The following MYOF variants were observed in gnomAD, a reference collection of about 807,000 sequenced individuals.
MYOF encodes fer-1-like 3, myoferlin.
In MYOF, 244 loss-of-function variants were observed where a neutral mutation model predicts 284.2. The ratio of observed to expected loss-of-function variants is 0.86; its 90% confidence interval spans 0.77 to 0.95. The LOEUF is 0.95. Ranked by LOEUF, MYOF falls within the 40% of genes least tolerant of loss-of-function variation. The probability of loss-of-function intolerance (pLI) is 0.00; values close to 1 mark genes in which losing one functional copy is unlikely to be tolerated. For synonymous variants in MYOF, 904 were observed against 919.7 expected (o/e 0.98, Z 0.31); for missense variants, 2,496 against 2,560.6 (o/e 0.97, Z 0.54).
rs191669041 is a variant in MYOF at position 93,344,696 on chromosome 10, C to T, written c.4250-764G>A. ...TGTATACCTATGTAACAAACCTGCA[C>T]GTTCTGCACATGTATCCCAGAACTT... is the stretch of plus-strand genomic sequence containing the variant. On this transcript the variant is annotated intron_variant, in intron 37 of 53. Coordinates refer to ENST00000359263, the MANE Select transcript of MYOF (RefSeq NM_013451.4). Among the ~76,000 whole-genome samples the T allele has an allele frequency of 6.4e-3, 825 of 129,678 alleles. 4 individuals are homozygous for T. Among genetic ancestry groups the T allele is most frequent in the Non-Finnish European group, 9.1e-3 (584 of 64,306 alleles). 85.1% of individuals were successfully genotyped at this position (129,678 alleles called of 152,430 possible).
intron 3 of MYOF, among the ~76,000 whole-genome samples, chr10:93,432,440 C>G (rs1301283102): frequency 6.6e-6 from 1 of 151,846 alleles, no homozygotes; most frequent in Non-Finnish European, 1.5e-5. Context: ...CACTACCCCC[C>G]GCCAGAATCC....
intron 1 of MYOF, among the ~76,000 whole-genome samples, chr10:93,465,524 CTTTTTTTTCTTTTCTT>C (rs2056984165): frequency 1.0e-5 from 1 of 100,140 alleles, no homozygotes; most frequent in East Asian, 3.1e-4. Context: ...TTTTTTCTTT[CTTTTTTTTCTTTTCTT>C]TTTTTTTTTT....
intron 49 of MYOF, among the ~76,000 whole-genome samples, chr10:93,319,553 C>T (rs1314586402): frequency 6.6e-6 from 1 of 152,134 alleles, no homozygotes; most frequent in African/African-American, 2.4e-5. Context: ...ACATCAGTCT[C>T]CCCATCACAT....
chr10:93,479,535 A>G (rs936733738), intron 1 of MYOF, among the ~76,000 whole-genome samples: 1 of 152,138 alleles, frequency 6.6e-6, no homozygotes, highest in African/African-American at 2.4e-5. Flanking sequence ...GTTTGTTGCT[A>G]TATCCCCTCC....
intron 4 of MYOF, among the ~76,000 whole-genome samples, chr10:93,431,016 T>C (rs1418664419): frequency 1.5e-5 from 2 of 130,200 alleles, no homozygotes; most frequent in Admixed American, 8.4e-5. Flanking sequence ...TTTAGACATT[T>C]TTCTTTTCTT....
intron 37 of MYOF, among the ~76,000 whole-genome samples, chr10:93,344,880 T>C (rs1844111755): frequency 6.6e-6 from 1 of 152,138 alleles, no homozygotes; most frequent in South Asian, 2.1e-4. Context: ...GCCCTGACTT[T>C]ATGTACAATT....
intron 4 of MYOF, among the ~76,000 whole-genome samples, chr10:93,430,248 A>G (rs1848781297): frequency 6.7e-6 from 1 of 150,320 alleles, no homozygotes; most frequent in African/African-American, 2.4e-5. Flanking sequence ...GTACTTATTG[A>G]GAGAGGCTGT....
intron 2 of MYOF, among the ~76,000 whole-genome samples, chr10:93,456,633 G>C (rs527677837): frequency 6.6e-6 from 1 of 152,268 alleles, no homozygotes; most frequent in Admixed American, 6.5e-5. Context: ...GCGGTGCCTG[G>C]TAAGAACTCA....
At chr10:93,459,710 C>T (rs1342565333) in intron 1 of MYOF, among the ~76,000 whole-genome samples, 5 of 152,170 alleles carry the variant, frequency 3.3e-5, no homozygotes, top group African/African-American at 4.8e-5. Context: ...TGGTTGCGTT[C>T]CAGGGTATCC....
chr10:93,359,899 A>T lies in MYOF; in HGVS notation c.3054T>A (p.His1018Gln). ...WVAAEKMYHT[H>Q]RRRRLVRKRK... ...GTTTTCGGACCAGCCTTCGCCGTCT[A>T]TGAGTGTGGTACATTTTCTCTGCTG... Residue 1018 changes from histidine (H) to glutamine (Q), a missense_variant, in exon 29 of 54, where the codon CAT (histidine) becomes CAA (glutamine). Around this residue, in one of 3 missense-constraint regions of MYOF, gnomAD observed 2,436 missense variants for 2,480.7 expected, o/e 0.98. Transcript: ENST00000359263. 1 of 1,614,148 alleles carries T rather than the reference A, an allele frequency of 6.2e-7. No homozygotes were observed. The highest frequency in any genetic ancestry group is 1.1e-5 in the South Asian group (1 of 91,084).
At chr10:93,391,896 A>C (rs1846708030) in intron 17 of MYOF, among the ~76,000 whole-genome samples, 2 of 152,158 alleles carry the variant, frequency 1.3e-5, no homozygotes, top group South Asian at 4.1e-4. Context: ...AGTTTCTAGA[A>C]TCCTACATAG....
At position 93,397,275 on chromosome 10, in the gene MYOF, C is replaced by T; in HGVS notation, c.1306G>A (p.Glu436Lys). 1 of 1,598,522 alleles carries T rather than the reference C, an allele frequency of 6.3e-7. No individual in the cohort carries two copies. Among genetic ancestry groups the T allele is most frequent in the Non-Finnish European group, 8.5e-7 (1 of 1,169,736 alleles). ...NLQIKFPSVC[E>K]KIKLTIYDWD... The stretch of plus-strand genomic sequence containing the variant: ...TCATATATTGTTAGTTTTATTTTTT[C>T]ACACACTGAAGGAAACTAAAAAAAT... The change falls in exon 15 of 54, where the codon GAA (glutamate) becomes AAA (lysine). Residue 436 changes from glutamate (E) to lysine (K), a missense_variant. This residue lies in a region of MYOF where 2,436 missense variants were observed against 2,480.7 expected (regional missense o/e 0.98). Transcript: ENST00000359263.
At chr10:93,374,139 G>T (rs1340767287) in intron 23 of MYOF, among the ~76,000 whole-genome samples, 1 of 152,126 alleles carries the variant, frequency 6.6e-6, no homozygotes, top group African/African-American at 2.4e-5. Flanking sequence ...GTGATAGTTT[G>T]CTGAGAATGA....
At chr10:93,370,666 A>C (rs1292499379) in intron 24 of MYOF, among the ~76,000 whole-genome samples, 2 of 152,080 alleles carry the variant, frequency 1.3e-5, no homozygotes, top group Non-Finnish European at 2.9e-5. Flanking sequence ...TCTTGTTAAT[A>C]TTTTGTGTGA....
intron 3 of MYOF, among the ~76,000 whole-genome samples, chr10:93,442,908 C>T (rs1589576844): frequency 6.6e-6 from 1 of 152,108 alleles, no homozygotes; most frequent in South Asian, 2.1e-4. Flanking sequence ...CCTGTAATCC[C>T]AGTACTTTGG....
At chr10:93,411,868 A>T (rs1847914066) in intron 5 of MYOF, among the ~76,000 whole-genome samples, 1 of 152,088 alleles carries the variant, frequency 6.6e-6, no homozygotes, top group Non-Finnish European at 1.5e-5. Flanking sequence ...GTGCTCATAT[A>T]CATATTTTTA....
intron 3 of MYOF, among the ~76,000 whole-genome samples, chr10:93,432,651 AGT>A (rs1848927579): frequency 6.6e-6 from 1 of 152,160 alleles, no homozygotes. Flanking sequence ...TCAAACGTTC[AGT>A]GTGTGTACTT....
intron 15 of MYOF, 40 bp downstream of exon 15, chr10:93,397,203 GTTTA>G (rs1847059241): frequency 1.4e-6 from 2 of 1,454,218 alleles, no homozygotes; most frequent in East Asian, 2.3e-5. Flanking sequence ...AATATCCAAT[GTTTA>G]TTTTATGTTG....
intron 3 of MYOF, among the ~76,000 whole-genome samples, chr10:93,444,152 G>T (rs1263198016): frequency 6.6e-6 from 1 of 152,202 alleles, no homozygotes; most frequent in Non-Finnish European, 1.5e-5. Flanking sequence ...ATTCCACACT[G>T]GTGGCCCATT....
Sources: gnomAD v4.1 joint callset for allele counts (sites outside exome capture counted in the v4.1 genomes callset) on GRCh38, gnomAD v4.1.1 for gene constraint, gnomAD v4.1.1 regional missense constraint, MANE v1.5 for transcripts, NCBI Gene and HGNC (gene_info 2026-07-23, HGNC 2026-07-21) for gene names.